EPHA3: variants seen among roughly 807,000 people sequenced by gnomAD.
EPHA3 encodes EPH receptor A3, also known as ephrin type-A receptor 3.
Under a neutral mutation model 107.1 loss-of-function variants are expected in EPHA3, and 42 were observed. That is an observed-to-expected ratio of 0.39 (90% CI 0.31 to 0.51). The LOEUF (loss-of-function observed/expected upper bound fraction) is 0.51. Ranked by LOEUF, EPHA3 falls within the 20% of genes least tolerant of loss-of-function variation. The probability of loss-of-function intolerance (pLI) is 0.78; values close to 1 mark genes in which losing one functional copy is unlikely to be tolerated. For synonymous variants in EPHA3, 461 were observed against 424.8 expected (o/e 1.09, Z -1.05); for missense variants, 1,183 against 1,211.2 (o/e 0.98, Z 0.35).
chr3:89,170,723 A>G (rs1705193181), intron 2 of EPHA3, among the ~76,000 whole-genome samples: 1 of 152,204 alleles, frequency 6.6e-6, no homozygotes, highest in Non-Finnish European at 1.5e-5. Flanking sequence ...ATGTCATTGC[A>G]GAAGAGAAAC....
chr3:89,219,688 G>GTGTTTTTTTTTTTTT lies in EPHA3; in HGVS notation c.814+9169_814+9170insGTTTTTTTTTTTTTT. On this transcript the variant is annotated intron_variant, in intron 3 of 16. Coordinates refer to ENST00000336596, the MANE Select transcript of EPHA3 (RefSeq NM_005233.6). ...TTACCTCCAAGAGGCATTTGGCAATGTTTTTTTTTTTTTTGTTTTTTGTTT... is the reference window on the plus strand; with the variant it reads ...TTACCTCCAAGAGGCATTTGGCAATGTGTTTTTTTTTTTTTTTTTTTTTTTTTTTGTTTTTTGTTT... Among the ~76,000 whole-genome samples the GTGTTTTTTTTTTTTT allele has an allele frequency of 7.8e-3, 269 of 34,440 alleles. 111 individuals carry two copies. The highest frequency in any genetic ancestry group is 0.012 in the Non-Finnish European group (232 of 19,126). The allele number at this position is 34,440 out of a possible 152,430, so 22.6% of individuals were successfully genotyped here.
At chr3:89,455,358 A>G (rs976582338) in intron 15 of EPHA3, among the ~76,000 whole-genome samples, 9 of 152,292 alleles carry the variant, frequency 5.9e-5, no homozygotes, top group Admixed American at 2.0e-4. Context: ...AAAAAATGCA[A>G]AAGTCTTGAG....
chr3:89,408,946 A>T (rs1445046154), intron 9 of EPHA3, among the ~76,000 whole-genome samples: 1 of 152,164 alleles, frequency 6.6e-6, no homozygotes, highest in East Asian at 1.9e-4. Context: ...TTCTAAAATT[A>T]TTTGCAAATT....
At chr3:89,429,790 G>A (rs569235838) in intron 12 of EPHA3, among the ~76,000 whole-genome samples, 68 of 148,218 alleles carry the variant, frequency 4.6e-4, no homozygotes, top group Admixed American at 9.3e-4. Flanking sequence ...ATGGTGCAAT[G>A]GTGCAATGGT....
chr3:89,261,713 G>T (rs1363987060), intron 3 of EPHA3, among the ~76,000 whole-genome samples: 1 of 152,060 alleles, frequency 6.6e-6, no homozygotes, highest in Non-Finnish European at 1.5e-5. Flanking sequence ...ACAAGTATCA[G>T]ATACGCACTC....
At chr3:89,145,820 T>G (rs1704545066) in intron 2 of EPHA3, among the ~76,000 whole-genome samples, 1 of 151,802 alleles carries the variant, frequency 6.6e-6, no homozygotes, top group Non-Finnish European at 1.5e-5. Flanking sequence ...CACTGTTGCT[T>G]TATTTCCTTC....
At chr3:89,280,007 A>C (rs1705901078) in intron 3 of EPHA3, among the ~76,000 whole-genome samples, 1 of 150,342 alleles carries the variant, frequency 6.7e-6, no homozygotes, top group African/African-American at 2.5e-5. Context: ...ACAATGTTTC[A>C]ACAATTCTTG....
At chr3:89,127,087 T>C (rs1453575214) in intron 1 of EPHA3, 122 bp from the exon 2 acceptor site, 11 of 738,140 alleles carry the variant, frequency 1.5e-5, no homozygotes, top group Non-Finnish European at 2.3e-5. Context: ...TATAGACTTA[T>C]AATGAGAAGG....
intron 2 of EPHA3, among the ~76,000 whole-genome samples, chr3:89,189,703 C>T (rs1190801112): frequency 6.6e-6 from 1 of 152,156 alleles, no homozygotes; most frequent in East Asian, 1.9e-4. Flanking sequence ...TGTATTGCTC[C>T]CCTGACAAAT....
rs2107555307 is a variant in EPHA3 at position 89,450,308 on chromosome 3, T to A, written c.2628T>A (p.Ser876Arg). 6.2e-7 allele frequency: 1 copy of A among 1,614,024 alleles called. No homozygotes were observed. The highest frequency in any genetic ancestry group is 8.5e-7 in the Non-Finnish European group (1 of 1,179,944). ...GACCCAAGTTTGAGCAGATTGTTAG[T>A]ATTCTGGACAAGCTTATCCGGAATC... is the stretch of plus-strand genomic sequence containing the variant. ...NNRPKFEQIV[S>R]ILDKLIRNPG... Residue 876 changes from serine to arginine, a missense_variant, in exon 15 of 17, where the codon AGT becomes AGA. Ser to Arg is a moderately radical substitution (Grantham distance 110, BLOSUM62 -1). Coordinates refer to ENST00000336596, the MANE Select transcript of EPHA3 (RefSeq NM_005233.6).
At chr3:89,298,025 A>T (rs1032571154) in intron 3 of EPHA3, among the ~76,000 whole-genome samples, 3 of 152,136 alleles carry the variant, frequency 2.0e-5, no homozygotes, top group African/African-American at 7.2e-5. Context: ...ACAAAGCAAG[A>T]CTTCCTCTCA....
chr3:89,271,649 G>T (rs890810749), intron 3 of EPHA3, among the ~76,000 whole-genome samples: 2 of 151,972 alleles, frequency 1.3e-5, no homozygotes, highest in African/African-American at 2.4e-5. Context: ...ATGGTTGATT[G>T]TAATATGTTG....
chr3:89,118,643 G>T (rs1707310069), intron 1 of EPHA3, among the ~76,000 whole-genome samples: 1 of 151,690 alleles, frequency 6.6e-6, no homozygotes, highest in South Asian at 2.1e-4. Flanking sequence ...AATGAGTCAA[G>T]AAAAGGGTTG....
chr3:89,242,590 A>G lies in EPHA3; in HGVS notation c.814+32070A>G, dbSNP rs545723532. On this transcript the variant is annotated intron_variant, in intron 3 of 16. Coordinates refer to ENST00000336596, the MANE Select transcript of EPHA3 (RefSeq NM_005233.6). ...GCAGCTGGGACTACGGGCGCCCACC[A>G]CCACACCTGGCTAATTTTTTGTATT... Among the ~76,000 whole-genome samples, 40 of 151,166 alleles carry G rather than the reference A, an allele frequency of 2.6e-4. No individual in the cohort carries two copies. In the South Asian group the frequency reaches 8.4e-3, roughly 32 times the overall value.
At chr3:89,395,739 C>T in intron 5 of EPHA3, 98 bp from the exon 6 acceptor site, 3 of 1,404,680 alleles carry the variant, frequency 2.1e-6, no homozygotes, top group Non-Finnish European at 2.9e-6. Context: ...TGATAGACTC[C>T]ATTTGCATGT....
At chr3:89,397,968 C>T (rs1708884389) in intron 6 of EPHA3, among the ~76,000 whole-genome samples, 1 of 152,088 alleles carries the variant, frequency 6.6e-6, no homozygotes, top group African/African-American at 2.4e-5. Flanking sequence ...TACATACATA[C>T]CTGTAATATT....
At chr3:89,202,186 T>C (rs547588769) in intron 2 of EPHA3, among the ~76,000 whole-genome samples, 1 of 152,192 alleles carries the variant, frequency 6.6e-6, no homozygotes, top group African/African-American at 2.4e-5. Context: ...CCAGCATCAA[T>C]TTCTGATAAG....
rs373891169 is a variant in EPHA3 at position 89,116,590 on chromosome 3, C to T, written c.88+8754C>T. 2.2e-4 allele frequency among the ~76,000 whole-genome samples: 34 copies of T among 151,980 alleles called. No individual in the cohort carries two copies. The East Asian group carries it at 2.3e-3, about 10-fold the overall frequency. Reference sequence around the variant, plus strand: ...TATTTTTCATGTGGGTATTTTAGCACATATGTTTTGCATTAATTGCTGCAA... The same window carrying T: ...TATTTTTCATGTGGGTATTTTAGCATATATGTTTTGCATTAATTGCTGCAA... On this transcript the variant is annotated intron_variant, in intron 1 of 16. Transcript: ENST00000336596.
chr3:89,397,669 C>T (rs535280675), intron 6 of EPHA3, among the ~76,000 whole-genome samples: 9 of 151,864 alleles, frequency 5.9e-5, no homozygotes, highest in African/African-American at 9.7e-5. Context: ...CCGCCACCTC[C>T]GCCTCCCAGG....
Sources: gnomAD v4.1 joint callset for allele counts (sites outside exome capture counted in the v4.1 genomes callset) on GRCh38, gnomAD v4.1.1 for gene constraint, MANE v1.5 for transcripts, NCBI Gene and HGNC (gene_info 2026-07-23, HGNC 2026-07-21) for gene names.